Variants in SEL1L2 observed in about 807,000 individuals in gnomAD.
SEL1L2 encodes protein sel-1 homolog 2.
SEL1L2 carries 89 observed loss-of-function variants against 98.8 expected under a neutral mutation model. That is an observed-to-expected ratio of 0.90 (90% CI 0.76 to 1.07). The LOEUF (loss-of-function observed/expected upper bound fraction) is 1.07. Among genes scored for constraint, SEL1L2 ranks in the 50% least tolerant of loss-of-function variants. SEL1L2 has a pLI of 0.00. For synonymous variants in SEL1L2, 262 were observed against 278.5 expected (o/e 0.94, Z 0.59); for missense variants, 788 against 812.0 (o/e 0.97, Z 0.36).
chr20:13,976,694 T>C (rs768819065), intron 1 of SEL1L2, among the ~76,000 whole-genome samples: 2 of 152,194 alleles, frequency 1.3e-5, no homozygotes, highest in Non-Finnish European at 1.5e-5. Flanking sequence ...TGAGGAATAT[T>C]ATTTCTGGCA....
At chr20:13,963,620 G>C (rs777229913) in intron 1 of SEL1L2, among the ~76,000 whole-genome samples, 4 of 151,988 alleles carry the variant, frequency 2.6e-5, no homozygotes, top group Admixed American at 6.6e-5. Context: ...GGGGGCTGAG[G>C]CAGGAGAATT....
At chr20:13,958,238 T>C (rs1254197410) in intron 1 of SEL1L2, among the ~76,000 whole-genome samples, 1 of 152,204 alleles carries the variant, frequency 6.6e-6, no homozygotes, top group Non-Finnish European at 1.5e-5. Flanking sequence ...ACACAGTTTT[T>C]AATAAGTGTT....
chr20:13,984,658 TTCTC>T (rs1032386538), intron 1 of SEL1L2, among the ~76,000 whole-genome samples: 10 of 151,982 alleles, frequency 6.6e-5, no homozygotes, highest in Non-Finnish European at 1.5e-4. Flanking sequence ...CTCTCTTTCT[TTCTC>T]TCTCTCTTCC....
At chr20:13,869,834 G>A (rs1024448093) in intron 13 of SEL1L2, among the ~76,000 whole-genome samples, 1 of 152,098 alleles carries the variant, frequency 6.6e-6, no homozygotes, top group African/African-American at 2.4e-5. Flanking sequence ...GATATTGGGG[G>A]AAGGTCACTC....
chr20:13,888,635 CTTTTTTTTT>C lies in SEL1L2; in HGVS notation c.550-132_550-124del, dbSNP rs71188192. On this transcript the variant is annotated intron_variant, in intron 5 of 19. Coordinates refer to ENST00000284951, the MANE Select transcript of SEL1L2 (RefSeq NM_025229.2). ...TTGCATTGTTAATTTCTTTCTTTCT[CTTTTTTTTT>C]TTTTTTTTTTTTGAGACAGAGTCTC... 965 of 206,478 alleles carry C rather than the reference CTTTTTTTTT, an allele frequency of 4.7e-3. 8 individuals are homozygous for C. The highest frequency in any genetic ancestry group is 6.4e-3 in the Non-Finnish European group (786 of 122,886). The allele number at this position is 206,478 out of a possible 1,614,324, so 12.8% of individuals were successfully genotyped here.
intron 1 of SEL1L2, 115 bp from the exon 2 acceptor site, chr20:13,956,246 A>ATTGTTGACAATAATTTATAAT: frequency 1.7e-6 from 1 of 574,468 alleles, no homozygotes; most frequent in Non-Finnish European, 3.0e-6. Flanking sequence ...TCTAAGAATA[A>ATTGTTGACAATAATTTATAAT]TTGTTGACAA....
In SEL1L2 at chr20:13,914,722, A is replaced by G. The variant is rs2048331261; in HGVS notation, c.387-778T>C. On this transcript the variant is annotated intron_variant, in intron 4 of 19. Coordinates refer to ENST00000284951, the MANE Select transcript of SEL1L2 (RefSeq NM_025229.2). Reference sequence around the variant, plus strand: ...GCATTGTGCGTGGTATAGAGTAAGCACTCAGTAAATTTAGCTGTTATTATT... The same window carrying G: ...GCATTGTGCGTGGTATAGAGTAAGCGCTCAGTAAATTTAGCTGTTATTATT... 3.9e-5 allele frequency among the ~76,000 whole-genome samples: 6 copies of G among 152,328 alleles called. No homozygotes were observed. In the South Asian group the frequency reaches 1.2e-3, roughly 32 times the overall value.
In SEL1L2 at chr20:13,850,344, C is replaced by T. The variant is rs749038886; in HGVS notation, c.1819-25G>A. ...CCTAGAAGGAGAAGAATAGCCCTAC[C>T]CATCAGATTCTGTAGGGGTAAGTAA... On this transcript the variant is annotated intron_variant, in intron 18 of 19. Coordinates refer to ENST00000284951, the MANE Select transcript of SEL1L2 (RefSeq NM_025229.2). The T allele has an allele frequency of 6.8e-6, 11 of 1,613,016 alleles. No individual in the cohort carries two copies. The East Asian group carries it at 1.3e-4, about 20-fold the overall frequency.
chr20:13,981,859 T>C (rs1051582026), intron 1 of SEL1L2, among the ~76,000 whole-genome samples: 3 of 152,234 alleles, frequency 2.0e-5, no homozygotes, highest in Admixed American at 6.5e-5. Context: ...AAAGCAAAGG[T>C]AATTTAGAAA....
At chr20:13,883,350 T>C (rs1427541240) in intron 10 of SEL1L2, among the ~76,000 whole-genome samples, 2 of 152,246 alleles carry the variant, frequency 1.3e-5, no homozygotes, top group Non-Finnish European at 2.9e-5. Flanking sequence ...TTTCTTCTTC[T>C]TGCTTTATAA....
At chr20:13,924,827 T>C (rs2048813196) in intron 3 of SEL1L2, among the ~76,000 whole-genome samples, 1 of 152,112 alleles carries the variant, frequency 6.6e-6, no homozygotes, top group African/African-American at 2.4e-5. Flanking sequence ...CTTTTGCAGG[T>C]TGTTCTACTC....
chr20:13,874,944 G>C (rs1221507848), intron 12 of SEL1L2, among the ~76,000 whole-genome samples: 1 of 152,260 alleles, frequency 6.6e-6, no homozygotes, highest in Middle Eastern at 3.4e-3. Context: ...CGATGGGTGT[G>C]GGATGAGGGC....
chr20:13,860,983 G>A (rs748020524), intron 17 of SEL1L2, among the ~76,000 whole-genome samples: 11 of 152,012 alleles, frequency 7.2e-5, no homozygotes, highest in Non-Finnish European at 2.9e-5. Context: ...ATTATTCCTA[G>A]TTCTTTTTCC....
At chr20:13,977,067 C>T (rs1276828579) in intron 1 of SEL1L2, among the ~76,000 whole-genome samples, 2 of 152,012 alleles carry the variant, frequency 1.3e-5, no homozygotes, top group Non-Finnish European at 2.9e-5. Flanking sequence ...ATGCCATTAA[C>T]AAGAGAAAAA....
intron 2 of SEL1L2, among the ~76,000 whole-genome samples, chr20:13,953,318 T>A (rs966454409): frequency 1.1e-4 from 16 of 152,136 alleles, no homozygotes; most frequent in African/African-American, 3.9e-4. Context: ...GCTATCAAAC[T>A]CCAAATGGTC....
intron 5 of SEL1L2, among the ~76,000 whole-genome samples, chr20:13,907,062 T>C (rs543024688): frequency 6.6e-6 from 1 of 152,332 alleles, no homozygotes; most frequent in African/African-American, 2.4e-5. Flanking sequence ...TAAAGCATGA[T>C]AAAATAGGGA....
At chr20:13,903,679 G>T (rs540152604) in intron 5 of SEL1L2, among the ~76,000 whole-genome samples, 3 of 152,186 alleles carry the variant, frequency 2.0e-5, no homozygotes, top group Admixed American at 1.3e-4. Context: ...CAGGCATGGT[G>T]GTGAGCCTGT....
chr20:13,983,901 G>A (rs1411227601), intron 1 of SEL1L2, among the ~76,000 whole-genome samples: 1 of 151,886 alleles, frequency 6.6e-6, no homozygotes, highest in Non-Finnish European at 1.5e-5. Flanking sequence ...ATTAATGAAC[G>A]ATCTATTGAT....
chr20:13,960,286 T>C (rs778971703), intron 1 of SEL1L2, among the ~76,000 whole-genome samples: 6 of 152,180 alleles, frequency 3.9e-5, no homozygotes, highest in Non-Finnish European at 7.3e-5. Context: ...GAGTGAAGTT[T>C]ATATTATACA....
Sources: allele counts gnomAD v4.1 joint callset (sites outside exome capture counted in the v4.1 genomes callset), GRCh38; gene constraint gnomAD v4.1.1; transcripts MANE v1.5; gene names NCBI Gene and HGNC (gene_info 2026-07-23, HGNC 2026-07-21).